The following GNL3L variants were observed in gnomAD, a reference collection of about 807,000 sequenced individuals.
The protein encoded by GNL3L is guanine nucleotide-binding protein-like 3-like protein.
GNL3L carries 4 observed loss-of-function variants against 42.9 expected under a neutral mutation model. That is an observed-to-expected ratio of 0.09 (90% confidence interval 0.05 to 0.21). GNL3L has a LOEUF of 0.21. Among genes scored for constraint, GNL3L ranks in the 10% least tolerant of loss-of-function variants. The pLI is 1.00. For synonymous variants in GNL3L, 159 were observed against 176.3 expected (o/e 0.90, Z 0.78); for missense variants, 412 against 481.7 (o/e 0.86, Z 1.36).
the GNL3L span, among the ~76,000 whole-genome samples, chrX:54,645,658 C>T: frequency 2.7e-5 from 3 of 111,788 alleles, no homozygotes; most frequent in Non-Finnish European, 5.6e-5. Flanking sequence ...GAACTTTGTT[C>T]GGAGTCCATG....
chrX:54,531,304 C>T (rs1039461823), intron 1 of GNL3L, among the ~76,000 whole-genome samples: 1 of 109,030 alleles, frequency 9.2e-6, no homozygotes, highest in African/African-American at 3.3e-5. Flanking sequence ...GGAGATACCC[C>T]ACAGGAGCAG....
the GNL3L span, among the ~76,000 whole-genome samples, chrX:54,632,637 T>C: frequency 1.8e-5 from 2 of 111,765 alleles, no homozygotes; most frequent in African/African-American, 6.5e-5. Flanking sequence ...ATTTATGCTG[T>C]CTATTTCTCT....
At chrX:54,604,436 G>A (rs1926035822) in intron 16 of GNL3L, among the ~76,000 whole-genome samples, 1 of 111,286 alleles carries the variant, frequency 9.0e-6, no homozygotes, top group Admixed American at 9.6e-5. Context: ...ATTTAAATTA[G>A]GCTAGTCAGC....
intron 2 of GNL3L, 112 bp downstream of exon 2, chrX:54,532,697 G>T (rs767434308): frequency 2.0e-5 from 13 of 637,732 alleles, no homozygotes; most frequent in Non-Finnish European, 3.4e-5. Context: ...GTCTCGCTCT[G>T]TCACCTAGGC....
At chrX:54,532,753 C>T (rs746529447) in intron 2 of GNL3L, among the ~76,000 whole-genome samples, 168 bp downstream of exon 2, 3 of 111,723 alleles carry the variant, frequency 2.7e-5, no homozygotes, top group South Asian at 3.7e-4. Context: ...CTCCGCCTCC[C>T]GGTTTCAAGC....
chrX:54,592,195 A>C (rs983687934), intron 16 of GNL3L, among the ~76,000 whole-genome samples: 1 of 112,169 alleles, frequency 8.9e-6, no homozygotes, highest in Admixed American at 9.4e-5. Flanking sequence ...TACCAGTTCT[A>C]ATAGAGTTTT....
chrX:54,534,833 T>G (rs2147469965), intron 2 of GNL3L, among the ~76,000 whole-genome samples: 1 of 110,715 alleles, frequency 9.0e-6, no homozygotes, highest in East Asian at 2.9e-4. Context: ...AGCACATTCT[T>G]TTTCTCTCCA....
rs781526946 is a variant in GNL3L at position 54,564,731 on chromosome X, CTT to C, written c.*4148_*4149del. On this transcript the variant is annotated 3_prime_UTR_variant, in exon 16 of 16. Coordinates refer to ENST00000360845, the MANE Select transcript of GNL3L (RefSeq NM_001184819.2). ...TTTTTCTTTGTTCTTATATTTTTGT[CTT>C]TTTTTTTTTTTTTTTTTTGAAACAG... Among the ~76,000 whole-genome samples the C allele has an allele frequency of 5.6e-5, 4 of 71,893 alleles. No homozygotes were observed. The highest frequency in any genetic ancestry group is 5.2e-5 in the Non-Finnish European group (2 of 38,692). 62.4% of individuals were successfully genotyped at this position (71,893 alleles called of 115,157 possible).
At chrX:54,573,391 C>T (rs1484481350) in intron 16 of GNL3L, among the ~76,000 whole-genome samples, 3 of 112,122 alleles carry the variant, frequency 2.7e-5, no homozygotes, top group Admixed American at 1.9e-4. Context: ...CAAAAAAATA[C>T]GAAAACCAGT....
chrX:54,605,034 C>G (rs1010889460), intron 16 of GNL3L, among the ~76,000 whole-genome samples: 1 of 111,027 alleles, frequency 9.0e-6, no homozygotes, highest in African/African-American at 3.3e-5. Flanking sequence ...TTGTATGTTT[C>G]TGAGAGGGGA....
At chrX:54,531,298 A>G (rs1315124540) in intron 1 of GNL3L, among the ~76,000 whole-genome samples, 1 of 107,231 alleles carries the variant, frequency 9.3e-6, no homozygotes, top group African/African-American at 3.4e-5. Flanking sequence ...AGCAAGGGAG[A>G]TACCCCACAG....
At chrX:54,573,510 C>G (rs368779867) in intron 16 of GNL3L, among the ~76,000 whole-genome samples, 10 of 102,364 alleles carry the variant, frequency 9.8e-5, no homozygotes, top group African/African-American at 4.0e-4. Flanking sequence ...AGAGGGAGAC[C>G]ATGGGGAGAG....
At chrX:54,605,470 C>T (rs1394856356) in intron 16 of GNL3L, among the ~76,000 whole-genome samples, 1 of 111,399 alleles carries the variant, frequency 9.0e-6, no homozygotes, top group Non-Finnish European at 1.9e-5. Flanking sequence ...CTTCGGCCCC[C>T]CATCTTCACT....
chrX:54,551,515 T>C lies in GNL3L; in HGVS notation c.864-53T>C, dbSNP rs182486782. On this transcript the variant is annotated intron_variant, in intron 10 of 15. Transcript: ENST00000360845. ...CCACATCCCAGGCCCACCTTCGTGA[T>C]TGGGGCCTCTACGATGCCAGGTACA... is the stretch of plus-strand genomic sequence containing the variant. The C allele has an allele frequency of 6.0e-5, 64 of 1,070,048 alleles. No individual in the cohort carries two copies. In the Admixed American group the frequency reaches 1.1e-3, roughly 18 times the overall value. The allele number at this position is 1,070,048 out of a possible 1,213,427, so 88.2% of individuals were successfully genotyped here.
rs776301292 is a variant in GNL3L, at chrX:54,555,556, C to T, written c.1446+864C>T. On this transcript the variant is annotated intron_variant, in intron 14 of 15. Transcript: ENST00000360845. ...TGTGATCTCAGCTCACTGCAACCTC[C>T]GCCTCCTGGGTTCAAGCAATTCTCC... is the stretch of plus-strand genomic sequence containing the variant. Among the ~76,000 whole-genome samples, 449 of 108,413 alleles carry T rather than the reference C, an allele frequency of 4.1e-3. 2 individuals are homozygous for T. The highest frequency in any genetic ancestry group is 9.6e-3 in the Middle Eastern group (2 of 209). 94.1% of individuals were successfully genotyped at this position (108,413 alleles called of 115,157 possible). A position where few individuals can be genotyped will look rare whatever the true frequency, so the allele number is the denominator to read the frequency against.
chrX:54,574,055 T>G (rs779581118), intron 16 of GNL3L, among the ~76,000 whole-genome samples: 1 of 111,640 alleles, frequency 9.0e-6, no homozygotes, highest in Non-Finnish European at 1.9e-5. Context: ...GGGCATAAGT[T>G]TTTTCAGTTT....
chrX:54,573,043 A>T (rs12389665), intron 16 of GNL3L, among the ~76,000 whole-genome samples: 1 of 101,945 alleles, frequency 9.8e-6, no homozygotes, highest in Non-Finnish European at 2.0e-5. Context: ...CCGGGCAGAG[A>T]CGCTCCTCAC....
chrX:54,614,782 T>G (rs1926202988), intron 16 of GNL3L, among the ~76,000 whole-genome samples: 1 of 111,415 alleles, frequency 9.0e-6, no homozygotes, highest in Non-Finnish European at 1.9e-5. Context: ...GTCTCCTGGG[T>G]CCTGCAGGTG....
chrX:54,599,819 C>T (rs1925981271), intron 16 of GNL3L, among the ~76,000 whole-genome samples: 1 of 110,787 alleles, frequency 9.0e-6, no homozygotes, highest in Admixed American at 9.7e-5. Flanking sequence ...CTGATTCTTC[C>T]TCTGTCCCCT....
Sources: allele counts gnomAD v4.1 joint callset (sites outside exome capture counted in the v4.1 genomes callset), GRCh38; gene constraint gnomAD v4.1.1; transcripts MANE v1.5; gene names NCBI Gene and HGNC (gene_info 2026-07-23, HGNC 2026-07-21).